Variants in OR51B5 observed in about 807,000 individuals in gnomAD.
OR51B5 encodes the protein olfactory receptor family 51 subfamily B member 5.
For synonymous variants in OR51B5, 186 were observed against 144.8 expected (o/e 1.28, Z -2.04); for missense variants, 456 against 374.6 (o/e 1.22, Z -1.79).
At chr11:5,390,125 C>T (rs1432319672) in intron 1 of OR51B5, 5 of 1,613,822 alleles carry the variant, frequency 3.1e-6, no homozygotes, top group Non-Finnish European at 4.2e-6. Flanking sequence ...CCTGGCCTCC[C>T]AAGAGGAGCA....
chr11:5,486,758 A>G (rs1851505311), intron 1 of OR51B5, among the ~76,000 whole-genome samples: 1 of 152,136 alleles, frequency 6.6e-6, no homozygotes. Context: ...GATGCCCATG[A>G]CTTTTTGTTT....
intron 1 of OR51B5, among the ~76,000 whole-genome samples, chr11:5,418,298 T>C (rs1474526550): frequency 6.6e-6 from 1 of 152,066 alleles, no homozygotes; most frequent in Non-Finnish European, 1.5e-5. Flanking sequence ...GAGATATACC[T>C]AATGCTAGAT....
intron 1 of OR51B5, among the ~76,000 whole-genome samples, chr11:5,471,309 C>T: frequency 6.6e-6 from 1 of 152,146 alleles, no homozygotes; most frequent in East Asian, 1.9e-4. Flanking sequence ...GACTAGGACT[C>T]AGAGATTACC....
At chr11:5,456,878 A>C (rs1314868389) in intron 1 of OR51B5, among the ~76,000 whole-genome samples, 1 of 152,120 alleles carries the variant, frequency 6.6e-6, no homozygotes, top group Non-Finnish European at 1.5e-5. Context: ...GTGAGTTCTC[A>C]TGAAGTCTGG....
chr11:5,501,262 A>G (rs567589794), intron 1 of OR51B5, among the ~76,000 whole-genome samples: 18 of 147,980 alleles, frequency 1.2e-4, no homozygotes, highest in African/African-American at 3.4e-4. Context: ...CTGGGCTACA[A>G]TAAGAACTCC....
intron 1 of OR51B5, chr11:5,403,401 C>T: frequency 2.1e-6 from 1 of 471,334 alleles, no homozygotes; most frequent in Non-Finnish European, 4.4e-6. Context: ...CCTTGGACAT[C>T]GTGTGTCCCC....
chr11:5,341,728 AC>A (rs1435465817), downstream of OR51B5, among the ~76,000 whole-genome samples: 7 of 152,114 alleles, frequency 4.6e-5, no homozygotes, highest in African/African-American at 1.7e-4. Flanking sequence ...GTTCCTTCAG[AC>A]CTTTTTCATA....
rs148339356 is a variant in OR51B5 at position 5,489,584 on chromosome 11, C to T, written n.84+15985G>A. 1,926 of 1,613,980 alleles carry T rather than the reference C, an allele frequency of 1.2e-3. 1 individual carries two copies. The highest frequency in any genetic ancestry group is 1.4e-3 in the Non-Finnish European group (1,692 of 1,179,954). ...GTGCTGGTGCCTCCTGTACTCAATC[C>T]TATTCTCTATGGAGCTAGAACCAAG... On this transcript the variant is annotated intron_variant and non_coding_transcript_variant, in intron 1 of 4. Coordinates refer to the OR51B5 transcript ENST00000415970.
At chr11:5,477,366 A>G (rs1008472419) in intron 1 of OR51B5, among the ~76,000 whole-genome samples, 3 of 152,164 alleles carry the variant, frequency 2.0e-5, no homozygotes, top group African/African-American at 4.8e-5. Flanking sequence ...GGGCACCACA[A>G]TCCTACCGGT....
intron 1 of OR51B5, chr11:5,430,927 G>A (rs1850524773): frequency 2.2e-6 from 1 of 456,894 alleles, no homozygotes; most frequent in African/African-American, 2.0e-5. Context: ...GCCCATCACT[G>A]TATAAAGAAT....
At chr11:5,357,006 CA>C (rs1168052704) in intron 1 of OR51B5, among the ~76,000 whole-genome samples, 20 of 152,020 alleles carry the variant, frequency 1.3e-4, no homozygotes, top group Admixed American at 7.2e-4. Flanking sequence ...CAACCGGTAC[CA>C]GCCACTGCAA....
chr11:5,417,804 G>A (rs1564806794), intron 1 of OR51B5, among the ~76,000 whole-genome samples: 1 of 123,322 alleles, frequency 8.1e-6, no homozygotes, highest in Admixed American at 9.0e-5. Context: ...GGAGAAATAG[G>A]AACACTTTTA....
chr11:5,475,677 T>A (rs573302435), intron 1 of OR51B5, among the ~76,000 whole-genome samples: 118 of 152,314 alleles, frequency 7.7e-4, no homozygotes, highest in Middle Eastern at 3.4e-3. Context: ...CTTTCTTCTA[T>A]GTTATTATGT....
intron 1 of OR51B5, chr11:5,430,772 TA>T (rs1311066816): frequency 2.2e-6 from 1 of 457,216 alleles, no homozygotes; most frequent in Admixed American, 2.3e-5. Flanking sequence ...ATGCTAGACA[TA>T]AGTGTGTGGA....
chr11:5,370,627 G>C (rs1849433144), intron 1 of OR51B5, among the ~76,000 whole-genome samples: 1 of 152,100 alleles, frequency 6.6e-6, no homozygotes, highest in Non-Finnish European at 1.5e-5. Context: ...TCATTGTTTA[G>C]TTGTTTGTTT....
chr11:5,352,894 A>G, intron 1 of OR51B5, among the ~76,000 whole-genome samples: 1 of 147,896 alleles, frequency 6.8e-6, no homozygotes, highest in East Asian at 2.0e-4. Flanking sequence ...TATATTATAT[A>G]AATAATATAT....
At chr11:5,426,276 A>G (rs1024981457) in intron 1 of OR51B5, among the ~76,000 whole-genome samples, 97 of 152,304 alleles carry the variant, frequency 6.4e-4, no homozygotes, top group Non-Finnish European at 2.1e-4. Flanking sequence ...TCATTCTATC[A>G]TATTGTTATG....
chr11:5,426,590 T>G (rs1228525022), intron 1 of OR51B5, among the ~76,000 whole-genome samples: 1 of 152,100 alleles, frequency 6.6e-6, no homozygotes, highest in African/African-American at 2.4e-5. Context: ...ATGAATCAGT[T>G]TCTCATGGCG....
chr11:5,465,861 G>T (rs905199742), intron 1 of OR51B5, among the ~76,000 whole-genome samples: 18 of 150,928 alleles, frequency 1.2e-4, no homozygotes, highest in Admixed American at 4.6e-4. Flanking sequence ...AACCCTAGAA[G>T]AAAACCTAGG....
Sources: gnomAD v4.1 joint callset for allele counts (sites outside exome capture counted in the v4.1 genomes callset) on GRCh38, gnomAD v4.1.1 for gene constraint, MANE v1.5 for transcripts, NCBI Gene and HGNC (gene_info 2026-07-23, HGNC 2026-07-21) for gene names.